Variants in RIPK4 observed in about 807,000 individuals in gnomAD.
The protein encoded by RIPK4 is receptor interacting serine/threonine kinase 4.
A neutral mutation model predicts 42.9 loss-of-function variants in RIPK4; 17 were observed. The observed-to-expected ratio is 0.40, with a 90% CI of 0.27 to 0.59. The LOEUF (loss-of-function observed/expected upper bound fraction) is 0.59. Among genes scored for constraint, RIPK4 ranks in the 20% least tolerant of loss-of-function variants. RIPK4 has a pLI of 0.47. For synonymous variants in RIPK4, 498 were observed against 499.1 expected, an observed-to-expected ratio of 1.00 and a Z score of 0.03; for missense variants, 897 against 1,104.4, an observed-to-expected ratio of 0.81 and a Z score of 2.66.
Position 41,746,232 on chromosome 21 carries a change from G to A in RIPK4, c.833-370C>T, listed in dbSNP as rs901635880. 7 of 601,902 alleles carry A rather than the reference G, an allele frequency of 1.2e-5. No homozygotes were observed. The African/African-American group carries it at 1.3e-4, about 11-fold the overall frequency. 37.3% of individuals were successfully genotyped at this position (601,902 alleles called of 1,614,324 possible). ...ATCAGGGTGACTTTCCTATGCCAGA[G>A]ACACATCTGTCCCAGGAAGTCAACT... On this transcript the variant is annotated intron_variant, in intron 5 of 7. Transcript: ENST00000332512.
chr21:41,766,740 C>G (rs2061238276), intron 1 of RIPK4, 120 bp downstream of exon 1: 2 of 1,096,402 alleles, frequency 1.8e-6, no homozygotes, highest in Admixed American at 2.7e-5. Context: ...TTGGTTTCCC[C>G]CCCGAAGCTG....
At chr21:41,746,010 C>A (rs913268998) in intron 5 of RIPK4, 148 bp from the exon 6 acceptor site, 1 of 765,260 alleles carries the variant, frequency 1.3e-6, no homozygotes, top group Non-Finnish European at 2.4e-6. Context: ...AGGGGCCCTA[C>A]ATGGACAATT....
Position 41,741,776 on chromosome 21 carries a change from T to C in RIPK4, c.1417A>G (p.Thr473Ala), listed in dbSNP as rs778801615. The change falls in exon 8 of 8, where the codon ACC (threonine) becomes GCC (alanine). Residue 473 changes from threonine to alanine, a missense_variant. Coordinates refer to ENST00000332512, the MANE Select transcript of RIPK4 (RefSeq NM_020639.3). ...CTCTCCACGGCCATGTGCAACGGGGTGGAGCCCCTACGGTTGCTCAGGTTG... is the reference window on the plus strand; with the variant it reads ...CTCTCCACGGCCATGTGCAACGGGGCGGAGCCCCTACGGTTGCTCAGGTTG... ...NPNLSNRRGS[T>A]PLHMAVERRV... The C allele has an allele frequency of 3.5e-5, 57 of 1,611,376 alleles. 1 individual carries two copies. In the African/African-American group the frequency reaches 6.1e-4, roughly 17 times the overall value.
rs2061168099 is a variant in RIPK4, at chr21:41,745,610, CT to C, written c.936+148del. ...AGGTGGACCTGAGCCCCCATGGGAC[CT>C]ACACTTCTAATGGAGTTGGGTGCGG... On this transcript the variant is annotated intron_variant, in intron 6 of 7. Transcript: ENST00000332512. The C allele has an allele frequency of 1.6e-5, 10 of 630,128 alleles. No individual in the cohort carries two copies. The Admixed American group carries it at 2.9e-4, about 18-fold the overall frequency. The allele number at this position is 630,128 out of a possible 1,614,324, so 39.0% of individuals were successfully genotyped here.
intron 1 of RIPK4, among the ~76,000 whole-genome samples, chr21:41,757,644 G>C (rs1483410618): frequency 4.0e-5 from 6 of 151,750 alleles, no homozygotes; most frequent in African/African-American, 1.5e-4. Flanking sequence ...TCAAACTAAT[G>C]AAACAGCATA....
chr21:41,757,998 C>CAAAAAAAAAAA (rs530283443), intron 1 of RIPK4, among the ~76,000 whole-genome samples: 1 of 13,080 alleles, frequency 7.6e-5, no homozygotes, highest in East Asian at 2.7e-3. Flanking sequence ...GACTCCATAA[C>CAAAAAAAAAAA]AAAAAAAAAA....
Position 41,751,393 on chromosome 21 carries a change from GC to G in RIPK4, c.475-149del. 3 of 1,080,992 alleles carry G rather than the reference GC, an allele frequency of 2.8e-6. No homozygotes were observed. Among genetic ancestry groups the G allele is most frequent in the Non-Finnish European group, 3.9e-6 (3 of 771,878 alleles). The allele number at this position is 1,080,992 out of a possible 1,614,324, so 67.0% of individuals were successfully genotyped here. On this transcript the variant is annotated intron_variant, in intron 2 of 7. Coordinates refer to ENST00000332512, the MANE Select transcript of RIPK4 (RefSeq NM_020639.3). The surrounding 1 kb of genome is among the most constrained non-coding windows in gnomAD (Gnocchi z 4.5). ...AGCCGTGTCTGTGCCTCTCCAGGTA[GC>G]CCTGCCCCAGGCAGGGAGGGAGACA... is the stretch of plus-strand genomic sequence containing the variant.
intron 5 of RIPK4, 65 bp downstream of exon 5, chr21:41,746,548 C>T: frequency 6.3e-7 from 1 of 1,577,548 alleles, no homozygotes. Flanking sequence ...TCACCCTGTC[C>T]TGTCTGTCAC....
chr21:41,761,764 T>A (rs923375663), intron 1 of RIPK4, among the ~76,000 whole-genome samples: 1 of 152,230 alleles, frequency 6.6e-6, no homozygotes, highest in Admixed American at 6.5e-5. Context: ...AGTAGCTTAT[T>A]AAGTGGAAGC....
At chr21:41,757,878 A>T (rs2146057720) in intron 1 of RIPK4, among the ~76,000 whole-genome samples, 1 of 150,710 alleles carries the variant, frequency 6.6e-6, no homozygotes, top group Non-Finnish European at 1.5e-5. Context: ...GCCTGCCTGT[A>T]ATCCCAGCTA....
chr21:41,748,228 G>C (rs2061177742), intron 4 of RIPK4, among the ~76,000 whole-genome samples: 2 of 152,216 alleles, frequency 1.3e-5, no homozygotes, highest in African/African-American at 4.8e-5. Context: ...TTGCGATGCT[G>C]GAAGATCTCT....
At chr21:41,763,551 AC>A (rs1008828694) in intron 1 of RIPK4, among the ~76,000 whole-genome samples, 3 of 152,230 alleles carry the variant, frequency 2.0e-5, no homozygotes, top group African/African-American at 7.2e-5. Flanking sequence ...CGCTCAGGTA[AC>A]AAAGAGCTCC....
At chr21:41,765,039 C>A (rs2061231924) in intron 1 of RIPK4, among the ~76,000 whole-genome samples, 1 of 152,216 alleles carries the variant, frequency 6.6e-6, no homozygotes. Context: ...GTGGAGAAAG[C>A]CTCCCTCCAA....
intron 1 of RIPK4, among the ~76,000 whole-genome samples, chr21:41,765,636 G>A (rs2061233849): frequency 6.6e-6 from 1 of 152,200 alleles, no homozygotes; most frequent in African/African-American, 2.4e-5. Context: ...GAAAAGCTGG[G>A]GCTTAGCGGC....
chr21:41,741,828 CT>C lies in RIPK4; in HGVS notation c.1364del (p.Lys455SerfsTer12). The C allele has an allele frequency of 6.2e-7, 1 of 1,612,180 alleles. No homozygotes were observed. Among genetic ancestry groups the C allele is most frequent in the Non-Finnish European group, 8.5e-7 (1 of 1,180,024 alleles). On this transcript the variant is annotated frameshift_variant, in exon 8 of 8. Coordinates refer to ENST00000332512, the MANE Select transcript of RIPK4 (RefSeq NM_020639.3). LOFTEE classifies it low-confidence loss of function (END_TRUNC). Reference sequence around the variant, plus strand: ...GGTTGGCATTGTTGAGCAGCAGCCACTTGGCGCACTCCTCTTGCCCGGCCTC... The same window carrying C: ...GGTTGGCATTGTTGAGCAGCAGCCACTGGCGCACTCCTCTTGCCCGGCCTC... ...AVEAGQEECAKWLLLNNANPN... is the reference protein window; with the variant it reads ...AVEAGQEECAXWLLLNNANPN...
chr21:41,740,577 G>A lies in RIPK4; in HGVS notation c.*261C>T, dbSNP rs1489717976. 13 of 494,024 alleles carry A rather than the reference G, an allele frequency of 2.6e-5. No individual in the cohort carries two copies. Among genetic ancestry groups the A allele is most frequent in the Non-Finnish European group, 3.6e-5 (10 of 279,866 alleles). 30.6% of individuals were successfully genotyped at this position (494,024 alleles called of 1,614,324 possible). Reference sequence around the variant, plus strand: ...CTCAGCGACCCATTAGGAGCACAACGAAATGATTCTGACCCACGGTCCCTT... The same window carrying A: ...CTCAGCGACCCATTAGGAGCACAACAAAATGATTCTGACCCACGGTCCCTT... On this transcript the variant is annotated 3_prime_UTR_variant, in exon 8 of 8. Coordinates refer to ENST00000332512, the MANE Select transcript of RIPK4 (RefSeq NM_020639.3).
At chr21:41,749,130 C>A (rs2061180438) in intron 4 of RIPK4, 24 bp downstream of exon 4, 2 of 1,612,640 alleles carry the variant, frequency 1.2e-6, no homozygotes, top group African/African-American at 2.7e-5. Flanking sequence ...AAGCACATTA[C>A]ACCTCAAAGA....
chr21:41,764,023 C>A (rs1340761121), intron 1 of RIPK4, among the ~76,000 whole-genome samples: 2 of 152,308 alleles, frequency 1.3e-5, no homozygotes, highest in Non-Finnish European at 2.9e-5. Context: ...AGCCACCCCA[C>A]AGGACCCTCC....
chr21:41,741,222 C>A lies in RIPK4; in HGVS notation c.1971G>T (p.Leu657=), dbSNP rs1313714909. 6.2e-7 allele frequency: 1 copy of A among 1,608,896 alleles called. No individual in the cohort carries two copies. The highest frequency in any genetic ancestry group is 1.7e-5 in the Admixed American group (1 of 59,878). The change falls in exon 8 of 8, where the codon CTG becomes CTT. Residue 657 remains leucine, a synonymous_variant. Coordinates refer to ENST00000332512, the MANE Select transcript of RIPK4 (RefSeq NM_020639.3). ...TGHTSTARLL[L]HRGAGKEAMT... is the part of the protein sequence containing the mutation. ...TGGCCTCCTTGCCAGCGCCCCGATG[C>A]AGGAGCAGCCTGGCAGTGCTCGTGT...
Sources: allele counts gnomAD v4.1 joint callset (sites outside exome capture counted in the v4.1 genomes callset), GRCh38; gene constraint gnomAD v4.1.1; non-coding constraint Gnocchi (gnomAD v3.1); transcripts MANE v1.5; gene names NCBI Gene and HGNC (gene_info 2026-07-23, HGNC 2026-07-21).